LAMB1: variants seen among roughly 807,000 people sequenced by gnomAD.
LAMB1 encodes the protein laminin subunit beta-1.
A neutral mutation model predicts 222.3 loss-of-function variants in LAMB1; 121 were observed. That is an observed-to-expected ratio of 0.54 (90% confidence interval 0.47 to 0.63). The LOEUF is 0.63. Among genes scored for constraint, LAMB1 ranks in the 30% least tolerant of loss-of-function variants. The pLI, the probability that LAMB1 is intolerant of heterozygous loss-of-function variation, is 0.00. For missense variants in LAMB1, 2,172 were observed against 2,240.8 expected, an observed-to-expected ratio of 0.97 and a Z score of 0.62; for synonymous variants, 794 against 807.2, an observed-to-expected ratio of 0.98 and a Z score of 0.28.
At chr7:108,001,430 G>C (rs576744858) in intron 3 of LAMB1, 128 bp downstream of exon 3, 1 of 1,040,050 alleles carries the variant, frequency 9.6e-7, no homozygotes, top group Non-Finnish European at 1.4e-6. Context: ...GCCTAATCCC[G>C]GGACTCCCCG....
intron 4 of LAMB1, among the ~76,000 whole-genome samples, chr7:107,997,317 GGAGGCT>G (rs538652945): frequency 1.1e-4 from 16 of 152,184 alleles, no homozygotes; most frequent in Non-Finnish European, 2.1e-4. Flanking sequence ...CAGCTACTCA[GGAGGCT>G]GAGGCAGGAG....
chr7:107,941,675 C>T (rs1201003921), intron 24 of LAMB1, among the ~76,000 whole-genome samples: 1 of 148,268 alleles, frequency 6.7e-6, no homozygotes. Flanking sequence ...TTTTTTGAGA[C>T]GGAGGTTTTG....
intron 8 of LAMB1, 68 bp downstream of exon 8, chr7:107,980,541 G>A (rs1439489531): frequency 3.1e-6 from 4 of 1,298,660 alleles, no homozygotes; most frequent in Non-Finnish European, 4.4e-6. Context: ...CTTAAGGTAA[G>A]ACTAGCTTCA....
At chr7:107,951,676 A>G (rs576671240) in intron 23 of LAMB1, among the ~76,000 whole-genome samples, 19 of 152,164 alleles carry the variant, frequency 1.2e-4, no homozygotes, top group Non-Finnish European at 2.2e-4. Context: ...ACTTTTTACA[A>G]TGCTGGGTAT....
chr7:107,975,482 T>C, intron 10 of LAMB1, 69 bp from the exon 11 acceptor site: 5 of 1,410,554 alleles, frequency 3.5e-6, no homozygotes, highest in Non-Finnish European at 3.8e-6. Context: ...TAAATACATA[T>C]ATTCCCTTCC....
intron 9 of LAMB1, among the ~76,000 whole-genome samples, chr7:107,976,251 G>A (rs142257016): frequency 6.6e-6 from 1 of 152,286 alleles, no homozygotes; most frequent in East Asian, 1.9e-4. Context: ...GAACACTGTA[G>A]CGAGGGACCT....
intron 7 of LAMB1, among the ~76,000 whole-genome samples, chr7:107,984,995 G>C (rs191822972): frequency 8.7e-4 from 132 of 152,284 alleles, no homozygotes; most frequent in Admixed American, 3.8e-3. Context: ...GGTTTTGTAA[G>C]AGAGAAAGAA....
At chr7:107,987,780 G>C (rs1401181402) in intron 5 of LAMB1, among the ~76,000 whole-genome samples, 1 of 152,222 alleles carries the variant, frequency 6.6e-6, no homozygotes, top group African/African-American at 2.4e-5. Context: ...GGGATTACAA[G>C]TGTGAGCCCC....
chr7:108,001,257 T>C (rs539058804), intron 3 of LAMB1, among the ~76,000 whole-genome samples: 5 of 152,300 alleles, frequency 3.3e-5, no homozygotes, highest in African/African-American at 1.2e-4. Context: ...CTTCCAAAAC[T>C]AAAGTTTTAA....
Position 107,980,808 on chromosome 7 carries a change from A to G in LAMB1, c.680T>C (p.Leu227Ser), listed in dbSNP as rs139759735. Residue 227 changes from leucine (L) to serine (S), a missense_variant, in exon 8 of 34, where the codon TTA (leucine) becomes TCA (serine). By Grantham distance (145) the Leu-to-Ser change is moderately radical. Transcript: ENST00000222399. ...GATTCTCAAGTTGGTAATTTTTAATAAATCTAGGAAGGTCATCAAGAAGAT... is the reference window on the plus strand; with the variant it reads ...GATTCTCAAGTTGGTAATTTTTAATGAATCTAGGAAGGTCATCAAGAAGAT... Reference protein sequence around the residue: ...EDPYSPRIQNLLKITNLRIKF... With the variant: ...EDPYSPRIQNSLKITNLRIKF... 1,540 of 1,595,366 alleles carry G rather than the reference A, an allele frequency of 9.7e-4. 8 individuals are homozygous for G. The highest frequency in any genetic ancestry group is 1.1e-3 in the Non-Finnish European group (1,331 of 1,163,630).
chr7:107,952,123 C>T lies in LAMB1; in HGVS notation c.3180G>A (p.Val1060=), dbSNP rs1036999798. The change falls in exon 23 of 34, where the codon GTG becomes GTA. Residue 1060 remains valine, a synonymous_variant. Transcript: ENST00000222399. The stretch of plus-strand genomic sequence containing the variant: ...CACAGCGGTCACAGTTCTGCCCGAT[C>T]ACATTAGGAAGACACAAGCACTGAC... ...ATGQCLCLPN[V]IGQNCDRCAP... 40 of 1,613,954 alleles carry T rather than the reference C, an allele frequency of 2.5e-5. No individual in the cohort carries two copies. The highest frequency in any genetic ancestry group is 3.3e-4 in the Middle Eastern group (2 of 6,084).
At chr7:107,988,747 TGA>T (rs1294488889) in intron 5 of LAMB1, among the ~76,000 whole-genome samples, 2 of 152,036 alleles carry the variant, frequency 1.3e-5, no homozygotes, top group Admixed American at 1.3e-4. Flanking sequence ...TAAGAACAGA[TGA>T]GGACACACAC....
intron 24 of LAMB1, among the ~76,000 whole-genome samples, chr7:107,946,239 G>C (rs1003557042): frequency 6.6e-6 from 1 of 152,184 alleles, no homozygotes; most frequent in Non-Finnish European, 1.5e-5. Context: ...TTTACTAAAA[G>C]CAAGGGCAAT....
Position 107,999,512 on chromosome 7 carries a change from G to A in LAMB1, c.214-1020C>T, listed in dbSNP as rs528005608. ...GTACTTTTACGTTGTATTTCACATC[G>A]TATTTATTTAGTTATTACCTTCTTC... On this transcript the variant is annotated intron_variant, in intron 3 of 33. Coordinates refer to ENST00000222399, the MANE Select transcript of LAMB1 (RefSeq NM_002291.3). 2.5e-4 allele frequency among the ~76,000 whole-genome samples: 38 copies of A among 152,180 alleles called. No individual in the cohort carries two copies. In the South Asian group the frequency reaches 7.3e-3, roughly 29 times the overall value.
At position 107,926,349 on chromosome 7, in the gene LAMB1, T is replaced by G. The variant is rs1334514341; in HGVS notation, c.4898A>C (p.Glu1633Ala). The G allele has an allele frequency of 5.6e-6, 9 of 1,613,368 alleles. No individual in the cohort carries two copies. Among genetic ancestry groups the G allele is most frequent in the Non-Finnish European group, 7.6e-6 (9 of 1,179,596 alleles). Residue 1633 changes from glutamate (E) to alanine (A), a missense_variant, in exon 32 of 34, where the codon GAA (glutamate) becomes GCA (alanine). Physicochemically the swap from Glu to Ala is moderately radical, Grantham distance 107. Transcript: ENST00000222399. ...CAAGGTTTCCTCAGAAGCTGCTGTT[T>G]CAGACTCAATCTAAAAGCATGTCAA... is the stretch of plus-strand genomic sequence containing the variant. The part of the protein sequence containing the change: ...TQNLLTSIES[E>A]TAASEETLFN...
intron 32 of LAMB1, among the ~76,000 whole-genome samples, chr7:107,924,986 GATAAA>G (rs2032525975): frequency 6.6e-6 from 1 of 152,150 alleles, no homozygotes; most frequent in Admixed American, 6.6e-5. Context: ...TTTCTCTTGT[GATAAA>G]ATGTCATTAT....
intron 24 of LAMB1, among the ~76,000 whole-genome samples, chr7:107,943,787 G>A (rs2033050001): frequency 6.6e-6 from 1 of 152,116 alleles, no homozygotes; most frequent in Non-Finnish European, 1.5e-5. Context: ...CCCGCCTTCT[G>A]TATATTAGAG....
intron 24 of LAMB1, among the ~76,000 whole-genome samples, chr7:107,947,411 T>C (rs1050347551): frequency 6.6e-6 from 1 of 152,302 alleles, no homozygotes. Flanking sequence ...AGAGCTGATG[T>C]TCTTTTTGCA....
intron 25 of LAMB1, among the ~76,000 whole-genome samples, chr7:107,939,105 C>T (rs2032917084): frequency 6.6e-6 from 1 of 152,006 alleles, no homozygotes; most frequent in Admixed American, 6.5e-5. Context: ...GGTGAGTCTG[C>T]AGTGAAAAAA....
Sources: gnomAD v4.1 joint callset for allele counts (sites outside exome capture counted in the v4.1 genomes callset) on GRCh38, gnomAD v4.1.1 for gene constraint, MANE v1.5 for transcripts, NCBI Gene and HGNC (gene_info 2026-07-23, HGNC 2026-07-21) for gene names.